CD36: variants seen among roughly 807,000 people sequenced by gnomAD.
The protein encoded by CD36 is CD36 molecule (CD36 blood group).
CD36 carries 119 observed loss-of-function variants against 55.2 expected under a neutral mutation model. The observed-to-expected ratio is 2.15, with a 90% confidence interval of 1.86 to 2.51. CD36 has a LOEUF of 2.51. CD36 is among the 30% of genes most tolerant of loss of function. The probability of loss-of-function intolerance (pLI) is 0.00; values close to 1 mark genes in which losing one functional copy is unlikely to be tolerated. For missense variants in CD36, 819 were observed against 555.5 expected (o/e 1.47, Z -4.77); for synonymous variants, 186 against 193.6 (o/e 0.96, Z 0.33).
intron 9 of CD36, chr7:80,670,731 A>G (rs1257182722): frequency 2.0e-5 from 10 of 505,168 alleles, no homozygotes; most frequent in Non-Finnish European, 3.5e-5. Flanking sequence ...ACTCTATTGG[A>G]TAAATTGCCT....
intron 3 of CD36, among the ~76,000 whole-genome samples, chr7:80,648,387 T>G (rs1192111075): frequency 6.6e-6 from 1 of 152,128 alleles, no homozygotes; most frequent in African/African-American, 2.4e-5. Context: ...TTAGACTACT[T>G]TTTTTTGCTG....
At chr7:80,628,681 G>A (rs1328123112) in intron 1 of CD36, among the ~76,000 whole-genome samples, 4 of 151,982 alleles carry the variant, frequency 2.6e-5, no homozygotes, top group Admixed American at 2.6e-4. Flanking sequence ...TTCAACCTGT[G>A]AACCCCAAAT....
At chr7:80,652,602 G>A (rs546142631) in intron 3 of CD36, among the ~76,000 whole-genome samples, 2 of 152,238 alleles carry the variant, frequency 1.3e-5, no homozygotes, top group East Asian at 3.9e-4. Context: ...CTAGTGGGAA[G>A]GATGGAAGTA....
intron 12 of CD36, 24 bp downstream of exon 12, chr7:80,672,867 T>C (rs1797844107): frequency 1.3e-6 from 2 of 1,483,890 alleles, no homozygotes; most frequent in African/African-American, 1.4e-5. Flanking sequence ...AAATGGTTAT[T>C]TTGATATGAT....
In CD36 at chr7:80,602,690, A is replaced by G. The variant is rs17154147; in HGVS notation, c.-184+311A>G. Among the ~76,000 whole-genome samples the G allele has an allele frequency of 2.7e-3, 415 of 152,222 alleles. 3 individuals are homozygous for G. Among genetic ancestry groups the G allele is most frequent in the African/African-American group, 9.3e-3 (385 of 41,546 alleles). On this transcript the variant is annotated intron_variant, in intron 1 of 13. Transcript: ENST00000309881. ...CGTCAGAAAACCCAAACTTCTCGTG[A>G]CTTCAAAAAGTGTAATTGTACCTGA...
chr7:80,647,394 A>G (rs1295896395), intron 3 of CD36, among the ~76,000 whole-genome samples: 1 of 152,154 alleles, frequency 6.6e-6, no homozygotes, highest in Admixed American at 6.6e-5. Context: ...ATCTCATCTC[A>G]TAAATATTTT....
At chr7:80,667,985 G>C (rs184237509) in intron 8 of CD36, among the ~76,000 whole-genome samples, 29 of 152,094 alleles carry the variant, frequency 1.9e-4, no homozygotes, top group African/African-American at 7.0e-4. Context: ...TTGACCTTGT[G>C]ATCCGCCCCC....
intron 13 of CD36, 46 bp from the exon 14 acceptor site, chr7:80,673,927 GTTTATTTTGT>G: frequency 7.5e-7 from 1 of 1,327,682 alleles, no homozygotes; most frequent in Non-Finnish European, 1.1e-6. Context: ...CAATTGAAGG[GTTTATTTTGT>G]TTTACTAACG....
chr7:80,666,085 C>G, intron 7 of CD36: 1 of 236,672 alleles, frequency 4.2e-6, no homozygotes, highest in Non-Finnish European at 8.4e-6. Context: ...TCTATTCATT[C>G]TGAACACTTA....
Position 80,656,549 on chromosome 7 carries a change from C to T in CD36, c.130C>T (p.Leu44Phe), listed in dbSNP as rs147153095. ...ATTTTCTTTTTCATAGCAAGTTGTCCTCGAAGAAGGTACAATTGCTTTTAA... is the reference window on the plus strand; with the variant it reads ...ATTTTCTTTTTCATAGCAAGTTGTCTTCGAAGAAGGTACAATTGCTTTTAA... ...IQKTIKKQVV[L>F]EEGTIAFKNW... The change falls in exon 4 of 15, where the codon CTC (leucine) becomes TTC (phenylalanine). Residue 44 changes from leucine (L) to phenylalanine (F), a missense_variant. By Grantham distance (22) the Leu-to-Phe change is conservative. Transcript: ENST00000447544. 1.9e-6 allele frequency: 3 copies of T among 1,613,282 alleles called. No individual in the cohort carries two copies. Among genetic ancestry groups the T allele is most frequent in the African/African-American group, 2.7e-5 (2 of 74,852 alleles).
At chr7:80,641,493 G>C (rs1006693204) in intron 1 of CD36, among the ~76,000 whole-genome samples, 1 of 152,030 alleles carries the variant, frequency 6.6e-6, no homozygotes, top group Non-Finnish European at 1.5e-5. Flanking sequence ...TCTGTATCAA[G>C]AGAATGGAAA....
intron 1 of CD36, chr7:80,624,277 A>T (rs555515627): frequency 2.0e-5 from 3 of 152,084 alleles, no homozygotes. Context: ...AAAATTTCCT[A>T]CTTTGATCTG....
Position 80,677,793 on chromosome 7 carries a change from G to T in CD36, c.*1410G>T, listed in dbSNP as rs1798206595. 1 of 152,122 alleles carries T rather than the reference G, an allele frequency of 6.6e-6. No homozygotes were observed. Among genetic ancestry groups the T allele is most frequent in the East Asian group, 1.9e-4 (1 of 5,196 alleles). 9.4% of individuals were successfully genotyped at this position (152,122 alleles called of 1,614,324 possible). A position where few individuals can be genotyped will look rare whatever the true frequency, so the allele number is the denominator to read the frequency against. On this transcript the variant is annotated 3_prime_UTR_variant, in exon 15 of 15. Coordinates refer to ENST00000447544, the MANE Select transcript of CD36 (RefSeq NM_001001548.3). ...GAAACTTCTAAAGATAATTGGATGA[G>T]AATATACATATTGACCTGTATATTA...
In CD36 at chr7:80,666,502, G is replaced by C. The variant is rs185009522; in HGVS notation, c.748+13G>C. 1.5e-4 allele frequency: 237 copies of C among 1,598,890 alleles called. No homozygotes were observed. The highest frequency in any genetic ancestry group is 1.7e-4 in the Non-Finnish European group (195 of 1,166,788). On this transcript the variant is annotated intron_variant, in intron 8 of 14. Coordinates refer to ENST00000447544, the MANE Select transcript of CD36 (RefSeq NM_001001548.3). ...ATTAATGGTACAGGTAAGAATATTT[G>C]TTTTGTGGTCATCACAGTTAATCCA...
At chr7:80,650,456 C>A (rs767161026) in intron 3 of CD36, among the ~76,000 whole-genome samples, 1 of 151,846 alleles carries the variant, frequency 6.6e-6, no homozygotes, top group Non-Finnish European at 1.5e-5. Context: ...TTTGTGTAAA[C>A]CTAGAGAGCC....
upstream of CD36, among the ~76,000 whole-genome samples, chr7:80,635,769 G>T (rs1215136246): frequency 3.3e-5 from 5 of 152,112 alleles, no homozygotes; most frequent in Admixed American, 1.3e-4. Context: ...CATTTTCCTA[G>T]CAGATGTTCT....
chr7:80,602,245 G>A (rs1234403477), exon 1 of CD36: 1 of 152,148 alleles, frequency 6.6e-6, no homozygotes, highest in Non-Finnish European at 1.5e-5. Context: ...GAAGGGTTGA[G>A]AGCCTGTGCC....
In CD36 at chr7:80,671,179, T is replaced by C; in HGVS notation, c.1006+15T>C. 6.5e-7 allele frequency: 1 copy of C among 1,537,406 alleles called. No individual in the cohort carries two copies. The highest frequency in any genetic ancestry group is 9.0e-7 in the Non-Finnish European group (1 of 1,112,178). On this transcript the variant is annotated intron_variant, in intron 10 of 14. Coordinates refer to ENST00000447544, the MANE Select transcript of CD36 (RefSeq NM_001001548.3). ...ATGCAAAGAAGGTGAGTAAATAACC[T>C]CAGTAGCACAGTCCATACCATAATT...
At chr7:80,654,109 A>G (rs1004847208) in intron 3 of CD36, among the ~76,000 whole-genome samples, 15 of 152,218 alleles carry the variant, frequency 9.9e-5, no homozygotes, top group African/African-American at 3.6e-4. Context: ...CGCTAGAGAT[A>G]TTTTTTAAGG....
Sources: allele counts gnomAD v4.1 joint callset (sites outside exome capture counted in the v4.1 genomes callset), GRCh38; gene constraint gnomAD v4.1.1; transcripts MANE v1.5; gene names NCBI Gene and HGNC (gene_info 2026-07-23, HGNC 2026-07-21).